The following SMIM21 variants were observed in gnomAD, a reference collection of about 807,000 sequenced individuals.
SMIM21 encodes chromosome 18 open reading frame 62.
A neutral mutation model predicts 8.6 loss-of-function variants in SMIM21; 8 were observed. The observed-to-expected ratio is 0.93, with a 90% confidence interval of 0.55 to 1.68. SMIM21 has a LOEUF of 1.68. SMIM21 is among the 40% of genes most tolerant of loss of function. The probability of loss-of-function intolerance (pLI) is 0.00; values close to 1 mark genes in which losing one functional copy is unlikely to be tolerated. For missense variants in SMIM21, 132 were observed against 123.0 expected (o/e 1.07, Z -0.35); for synonymous variants, 43 against 41.7 (o/e 1.03, Z -0.12).
In SMIM21 at chr18:75,410,039, A is replaced by C. The variant is rs1365203140; in HGVS notation, c.*825T>G. ...TTAGACGTAGCTCTTGTTGGTGTTAATTATTTCCTTTTCATTTCCAGCTGG... is the reference window on the plus strand; with the variant it reads ...TTAGACGTAGCTCTTGTTGGTGTTACTTATTTCCTTTTCATTTCCAGCTGG... On this transcript the variant is annotated 3_prime_UTR_variant, in exon 3 of 3. Coordinates refer to ENST00000579022, the MANE Select transcript of SMIM21 (RefSeq NM_001037331.3). 6.6e-6 allele frequency: 1 copy of C among 152,628 alleles called. No individual in the cohort carries two copies. The highest frequency in any genetic ancestry group is 1.5e-5 in the Non-Finnish European group (1 of 68,042). The allele number at this position is 152,628 out of a possible 1,614,324, so 9.5% of individuals were successfully genotyped here.
intron 2 of SMIM21, among the ~76,000 whole-genome samples, chr18:75,413,771 A>G (rs1008567365): frequency 1.3e-5 from 2 of 152,024 alleles, no homozygotes; most frequent in Non-Finnish European, 2.9e-5. Flanking sequence ...TCCTTGCTTG[A>G]CTTAGGATGT....
At chr18:75,419,454 A>G (rs2024686876) in intron 1 of SMIM21, among the ~76,000 whole-genome samples, 1 of 152,184 alleles carries the variant, frequency 6.6e-6, no homozygotes. Context: ...CAGAGGTTAC[A>G]ATTCATAGCA....
At position 75,409,538 on chromosome 18, in the gene SMIM21, T is replaced by G. The variant is rs919330102; in HGVS notation, c.*1326A>C. Reference sequence around the variant, plus strand: ...CCCCTTCCATAAGCTGGTTTCTTTGTGAACACCATCCATTCATTGTTGACC... The same window carrying G: ...CCCCTTCCATAAGCTGGTTTCTTTGGGAACACCATCCATTCATTGTTGACC... On this transcript the variant is annotated 3_prime_UTR_variant, in exon 3 of 3. Transcript: ENST00000579022. The G allele has an allele frequency of 6.6e-6, 1 of 152,210 alleles. No homozygotes were observed. Among genetic ancestry groups the G allele is most frequent in the African/African-American group, 2.4e-5 (1 of 41,454 alleles). The allele number at this position is 152,210 out of a possible 1,614,324, so 9.4% of individuals were successfully genotyped here. A position where few individuals can be genotyped will look rare whatever the true frequency, so the allele number is the denominator to read the frequency against.
chr18:75,411,679 C>A (rs549435575), intron 2 of SMIM21, among the ~76,000 whole-genome samples: 1 of 152,292 alleles, frequency 6.6e-6, no homozygotes, highest in African/African-American at 2.4e-5. Flanking sequence ...ATGTTTGCAG[C>A]CTGATATTAT....
Position 75,418,483 on chromosome 18 carries a change from G to A in SMIM21, c.260+303C>T, listed in dbSNP as rs540793820. On this transcript the variant is annotated intron_variant, in intron 2 of 2. Transcript: ENST00000579022. ...TAGAGATTTGCAGGCTCTCACTGAC[G>A]AAATGCTCATCCTGTCTCAAGGAGC... Among the ~76,000 whole-genome samples the A allele has an allele frequency of 5.9e-5, 9 of 152,300 alleles. No homozygotes were observed. The South Asian group carries it at 1.7e-3, about 28-fold the overall frequency.
At position 75,409,478 on chromosome 18, in the gene SMIM21, C is replaced by T. The variant is rs1353893875; in HGVS notation, c.*1386G>A. 6.6e-6 allele frequency: 1 copy of T among 152,224 alleles called. No individual in the cohort carries two copies. Among genetic ancestry groups the T allele is most frequent in the Non-Finnish European group, 1.5e-5 (1 of 68,048 alleles). The allele number at this position is 152,224 out of a possible 1,614,324, so 9.4% of individuals were successfully genotyped here. ...TAGTGACAAATGAGATGAAAAATGG[C>T]TTCCAAGAACTTAATTCAAAGAATT... On this transcript the variant is annotated 3_prime_UTR_variant, in exon 3 of 3. Transcript: ENST00000579022.
chr18:75,422,448 A>C (rs938321898), intron 1 of SMIM21, among the ~76,000 whole-genome samples: 4 of 152,188 alleles, frequency 2.6e-5, no homozygotes, highest in Admixed American at 1.3e-4. Context: ...ACAACATAGC[A>C]GTTCTGGTCA....
chr18:75,420,469 C>T (rs754968642), intron 1 of SMIM21, among the ~76,000 whole-genome samples: 6 of 152,082 alleles, frequency 3.9e-5, no homozygotes, highest in Non-Finnish European at 8.8e-5. Flanking sequence ...CATTAGAGAG[C>T]TACTCTGTGC....
At position 75,409,769 on chromosome 18, in the gene SMIM21, C is replaced by T. The variant is rs966349894; in HGVS notation, c.*1095G>A. The T allele has an allele frequency of 6.6e-6, 1 of 152,274 alleles. No individual in the cohort carries two copies. The highest frequency in any genetic ancestry group is 2.4e-5 in the African/African-American group (1 of 41,440). 9.4% of individuals were successfully genotyped at this position (152,274 alleles called of 1,614,324 possible). ...TGTAAGAGTTACACCTCTGTCATTCCTCCACTTTGTTCCGGGGAGCCCAGC... is the reference window on the plus strand; with the variant it reads ...TGTAAGAGTTACACCTCTGTCATTCTTCCACTTTGTTCCGGGGAGCCCAGC... On this transcript the variant is annotated 3_prime_UTR_variant, in exon 3 of 3. Coordinates refer to ENST00000579022, the MANE Select transcript of SMIM21 (RefSeq NM_001037331.3).
intron 2 of SMIM21, among the ~76,000 whole-genome samples, chr18:75,413,522 T>C (rs1374314695): frequency 6.6e-6 from 1 of 152,208 alleles, no homozygotes; most frequent in Non-Finnish European, 1.5e-5. Flanking sequence ...ATGTCTGTAC[T>C]TAAACCCTTT....
At chr18:75,420,103 G>T (rs2024693392) in intron 1 of SMIM21, among the ~76,000 whole-genome samples, 1 of 152,204 alleles carries the variant, frequency 6.6e-6, no homozygotes, top group Admixed American at 6.5e-5. Context: ...TAAGCTTAGG[G>T]TCAGGGATCC....
chr18:75,414,997 A>G (rs2024628902), intron 2 of SMIM21, among the ~76,000 whole-genome samples: 1 of 152,196 alleles, frequency 6.6e-6, no homozygotes, highest in Non-Finnish European at 1.5e-5. Context: ...CATGCACCCA[A>G]TCCTGACAAG....
At chr18:75,412,028 A>G (rs1404522410) in intron 2 of SMIM21, among the ~76,000 whole-genome samples, 2 of 152,166 alleles carry the variant, frequency 1.3e-5, no homozygotes, top group Non-Finnish European at 2.9e-5. Context: ...AAATCATTAC[A>G]CTTGTTCTGC....
intron 2 of SMIM21, chr18:75,416,648 G>T (rs2024648462): frequency 6.6e-6 from 1 of 152,032 alleles, no homozygotes; most frequent in Admixed American, 6.5e-5. Context: ...TATTTTTGTT[G>T]ATAATATAAG....
chr18:75,418,446 C>G (rs1055524687), intron 2 of SMIM21, among the ~76,000 whole-genome samples: 2 of 152,212 alleles, frequency 1.3e-5, no homozygotes, highest in East Asian at 1.9e-4. Flanking sequence ...GTCACTGGCT[C>G]TCAGAGGCGA....
At position 75,409,946 on chromosome 18, in the gene SMIM21, C is replaced by T. The variant is rs921128328; in HGVS notation, c.*918G>A. On this transcript the variant is annotated 3_prime_UTR_variant, in exon 3 of 3. Coordinates refer to ENST00000579022, the MANE Select transcript of SMIM21 (RefSeq NM_001037331.3). ...AGCCAGGCGGATAGAGCAGGGCTCA[C>T]CTCGTCAAGGACTTTGCAGCCGCCT... 1 of 152,730 alleles carries T rather than the reference C, an allele frequency of 6.5e-6. No homozygotes were observed. Among genetic ancestry groups the T allele is most frequent in the African/African-American group, 2.4e-5 (1 of 41,474 alleles). The allele number at this position is 152,730 out of a possible 1,614,324, so 9.5% of individuals were successfully genotyped here. A position where few individuals can be genotyped will look rare whatever the true frequency, so the allele number is the denominator to read the frequency against.
chr18:75,426,058 C>T (rs761252823), intron 1 of SMIM21, among the ~76,000 whole-genome samples: 4 of 152,068 alleles, frequency 2.6e-5, no homozygotes, highest in Non-Finnish European at 5.9e-5. Flanking sequence ...ACAGCCCTCA[C>T]GCAAGGCCTG....
At chr18:75,413,802 T>G (rs2024608316) in intron 2 of SMIM21, among the ~76,000 whole-genome samples, 1 of 152,176 alleles carries the variant, frequency 6.6e-6, no homozygotes, top group Admixed American at 6.5e-5. Context: ...GTAAGTCTCA[T>G]GAGTGCAAAC....
chr18:75,410,705 CA>C lies in SMIM21; in HGVS notation c.*158del, dbSNP rs928053426. On this transcript the variant is annotated 3_prime_UTR_variant, in exon 3 of 3. Transcript: ENST00000579022. ...AAGAACAAAGCAGACATTATCATTG[CA>C]AAAAGTTACACGTTCTTCATTCTCT... 1.5e-5 allele frequency: 22 copies of C among 1,434,980 alleles called. No individual in the cohort carries two copies. The highest frequency in any genetic ancestry group is 1.3e-5 in the Non-Finnish European group (14 of 1,098,898). 88.9% of individuals were successfully genotyped at this position (1,434,980 alleles called of 1,614,324 possible).
Sources: allele counts gnomAD v4.1 joint callset (sites outside exome capture counted in the v4.1 genomes callset), GRCh38; gene constraint gnomAD v4.1.1; transcripts MANE v1.5; gene names NCBI Gene and HGNC (gene_info 2026-07-23, HGNC 2026-07-21).